Variants in RARB observed in about 807,000 individuals in gnomAD.
The protein encoded by RARB is HBV-activated protein.
A neutral mutation model predicts 51.9 loss-of-function variants in RARB; 17 were observed. That is an observed-to-expected ratio of 0.33 (90% CI 0.22 to 0.49). The LOEUF (loss-of-function observed/expected upper bound fraction) is 0.49, where lower values mean the gene tolerates loss of function less well. Ranked by LOEUF, RARB falls within the 20% of genes least tolerant of loss-of-function variation. RARB has a pLI of 0.99. For missense variants in RARB, 369 were observed against 550.8 expected (o/e 0.67, Z 3.30); for synonymous variants, 215 against 195.4 (o/e 1.10, Z -0.84).
chr3:25,118,662 G>A (rs534772750), intron 3 of RARB, among the ~76,000 whole-genome samples: 28 of 152,166 alleles, frequency 1.8e-4, no homozygotes, highest in Non-Finnish European at 4.0e-4. Context: ...TTTCAGCCAA[G>A]CTGAGGGTGA....
intron 3 of RARB, among the ~76,000 whole-genome samples, chr3:25,560,293 A>G (rs947430423): frequency 6.6e-6 from 1 of 152,186 alleles, no homozygotes; most frequent in African/African-American, 2.4e-5. Flanking sequence ...TGTGATATAA[A>G]CACCTATATC....
At chr3:25,464,928 A>G (rs1695355523) in intron 2 of RARB, among the ~76,000 whole-genome samples, 1 of 152,188 alleles carries the variant, frequency 6.6e-6, no homozygotes, top group African/African-American at 2.4e-5. Context: ...TACAATTAAT[A>G]TAGTAGTTTA....
chr3:25,042,061 A>G (rs1458323872), intron 2 of RARB, among the ~76,000 whole-genome samples: 1 of 152,170 alleles, frequency 6.6e-6, no homozygotes, highest in African/African-American at 2.4e-5. Context: ...GTGGTAACAT[A>G]GGCAGCACAT....
intron 4 of RARB, among the ~76,000 whole-genome samples, chr3:25,149,261 G>A (rs1372849920): frequency 1.3e-5 from 2 of 152,178 alleles, no homozygotes; most frequent in African/African-American, 4.8e-5. Context: ...TGTGAAGAAT[G>A]CTTCTATTTG....
chr3:25,292,811 G>A (rs1421005185), intron 5 of RARB, among the ~76,000 whole-genome samples: 1 of 152,088 alleles, frequency 6.6e-6, no homozygotes, highest in African/African-American at 2.4e-5. Flanking sequence ...TTAGCTGCAG[G>A]CCTGTGTTAT....
chr3:25,113,360 A>G (rs1401386078), intron 3 of RARB, among the ~76,000 whole-genome samples: 1 of 152,212 alleles, frequency 6.6e-6, no homozygotes, highest in Non-Finnish European at 1.5e-5. Flanking sequence ...TAAATTTCCT[A>G]AAAGTCTAAT....
At chr3:25,334,519 G>C (rs942984786) in intron 5 of RARB, among the ~76,000 whole-genome samples, 1 of 152,026 alleles carries the variant, frequency 6.6e-6, no homozygotes, top group Non-Finnish European at 1.5e-5. Context: ...TCACACACTG[G>C]GGCCTGTTGT....
chr3:24,881,700 T>C (rs1703169733), intron 2 of RARB, among the ~76,000 whole-genome samples: 1 of 152,168 alleles, frequency 6.6e-6, no homozygotes, highest in South Asian at 2.1e-4. Context: ...AAGGAAAATA[T>C]GGAACCAACC....
At chr3:25,148,474 GT>G (rs1700229990) in intron 4 of RARB, among the ~76,000 whole-genome samples, 1 of 152,166 alleles carries the variant, frequency 6.6e-6, no homozygotes, top group Non-Finnish European at 1.5e-5. Context: ...TCTTTTAAGG[GT>G]TTTTATAGCT....
chr3:25,484,885 G>A (rs1308935973), intron 2 of RARB, among the ~76,000 whole-genome samples: 3 of 152,020 alleles, frequency 2.0e-5, no homozygotes, highest in Non-Finnish European at 4.4e-5. Flanking sequence ...ACGAATGCTG[G>A]AGTACAACTG....
chr3:25,073,898 T>C (rs757290375), intron 3 of RARB, among the ~76,000 whole-genome samples: 2 of 152,190 alleles, frequency 1.3e-5, no homozygotes, highest in Non-Finnish European at 2.9e-5. Flanking sequence ...ATTTTACAGT[T>C]TTAAATTGAA....
rs1357517619 is a variant in RARB, at chr3:25,001,194, C to G, written c.-379-58931C>G. 2.6e-5 allele frequency among the ~76,000 whole-genome samples: 4 copies of G among 151,940 alleles called. No homozygotes were observed. The South Asian group carries it at 6.2e-4, about 24-fold the overall frequency. ...TGAGACAGTTTTTCTACTAACACTG[C>G]TTAAAATAAATAAATAAAGGCAAAA... On this transcript the variant is annotated intron_variant, in intron 2 of 11. Coordinates refer to the RARB transcript ENST00000383772.
At chr3:25,202,906 A>G (rs1701433149) in intron 5 of RARB, among the ~76,000 whole-genome samples, 1 of 152,164 alleles carries the variant, frequency 6.6e-6, no homozygotes, top group African/African-American at 2.4e-5. Flanking sequence ...AAGAATGTAT[A>G]TTTTGTTGAT....
chr3:25,268,462 A>G lies in RARB; in HGVS notation c.178+93887A>G, dbSNP rs377470185. Among the ~76,000 whole-genome samples, 24 of 151,982 alleles carry G rather than the reference A, an allele frequency of 1.6e-4. No homozygotes were observed. In the South Asian group the frequency reaches 4.6e-3, roughly 29 times the overall value. On this transcript the variant is annotated intron_variant, in intron 5 of 11. Coordinates refer to the RARB transcript ENST00000383772. ...TGTGTTTTTCATATTATTTTCTCCA[A>G]CTCAGATTTTAGATATGGTGTATTT...
chr3:25,315,225 C>T (rs1347685167), intron 5 of RARB, among the ~76,000 whole-genome samples: 2 of 152,134 alleles, frequency 1.3e-5, no homozygotes, highest in African/African-American at 2.4e-5. Flanking sequence ...GAATGAAATA[C>T]ACACATCCCA....
intron 5 of RARB, among the ~76,000 whole-genome samples, chr3:25,258,528 C>T (rs1416330583): frequency 1.3e-5 from 2 of 152,040 alleles, no homozygotes; most frequent in South Asian, 2.1e-4. Flanking sequence ...TGTTTGTGGT[C>T]CTCAGCCCAG....
At chr3:25,218,383 A>G (rs1341228383) in intron 5 of RARB, among the ~76,000 whole-genome samples, 1 of 151,908 alleles carries the variant, frequency 6.6e-6, no homozygotes, top group East Asian at 1.9e-4. Flanking sequence ...AGGCCCCTTT[A>G]AATACCCAGG....
At position 25,254,297 on chromosome 3, in the gene RARB, T is replaced by G. The variant is rs867412299; in HGVS notation, c.178+79722T>G. Among the ~76,000 whole-genome samples the G allele has an allele frequency of 2.6e-5, 4 of 152,182 alleles. No individual in the cohort carries two copies. The South Asian group carries it at 8.3e-4, about 31-fold the overall frequency. On this transcript the variant is annotated intron_variant, in intron 5 of 11. Coordinates refer to the RARB transcript ENST00000383772. ...CTTTATTTACTTTCCATGTCCCCATTATTGAGAAACAGTTGAAAAAGATTT... is the reference window on the plus strand; with the variant it reads ...CTTTATTTACTTTCCATGTCCCCATGATTGAGAAACAGTTGAAAAAGATTT...
At chr3:25,209,044 T>A (rs1701630867) in intron 5 of RARB, among the ~76,000 whole-genome samples, 1 of 152,178 alleles carries the variant, frequency 6.6e-6, no homozygotes, top group Non-Finnish European at 1.5e-5. Context: ...AGGTTAAAAG[T>A]GAAACAGAAG....
Sources: allele counts gnomAD v4.1 joint callset (sites outside exome capture counted in the v4.1 genomes callset), GRCh38; gene constraint gnomAD v4.1.1; transcripts MANE v1.5; gene names NCBI Gene and HGNC (gene_info 2026-07-23, HGNC 2026-07-21).